The following WBP1L variants were observed in gnomAD, a reference collection of about 807,000 sequenced individuals.
The protein encoded by WBP1L is WW domain binding protein 1-like.
WBP1L carries 17 observed loss-of-function variants against 33.7 expected under a neutral mutation model. The observed-to-expected ratio is 0.50, with a 90% CI of 0.34 to 0.76. The LOEUF is 0.76. WBP1L is among the 30% of genes least tolerant of loss of function. WBP1L has a pLI of 0.01. For synonymous variants in WBP1L, 173 were observed against 190.8 expected (o/e 0.91, Z 0.77); for missense variants, 389 against 469.4 (o/e 0.83, Z 1.58).
At chr10:102,811,438 C>A (rs1843841673) in intron 3 of WBP1L, among the ~76,000 whole-genome samples, 1 of 152,212 alleles carries the variant, frequency 6.6e-6, no homozygotes, top group African/African-American at 2.4e-5. Flanking sequence ...GGAGGCCCAG[C>A]TGTGCCAGTT....
At chr10:102,772,534 T>C (rs1843202919) in intron 1 of WBP1L, among the ~76,000 whole-genome samples, 1 of 145,892 alleles carries the variant, frequency 6.9e-6, no homozygotes, top group Admixed American at 7.0e-5. Context: ...GTGCTGGGAT[T>C]ACAAGCATGA....
intron 1 of WBP1L, among the ~76,000 whole-genome samples, chr10:102,751,151 C>T (rs1436784261): frequency 1.3e-5 from 2 of 152,060 alleles, no homozygotes; most frequent in Non-Finnish European, 2.9e-5. Flanking sequence ...CAGGTATGCA[C>T]CACCATGCCT....
At chr10:102,786,054 G>C (rs1014665730) in intron 1 of WBP1L, among the ~76,000 whole-genome samples, 8 of 152,224 alleles carry the variant, frequency 5.3e-5, no homozygotes, top group African/African-American at 1.9e-4. Context: ...TGTTATTCAG[G>C]TTCCTAATAG....
At chr10:102,777,616 C>T (rs969075083) in intron 1 of WBP1L, among the ~76,000 whole-genome samples, 1 of 115,906 alleles carries the variant, frequency 8.6e-6, no homozygotes, top group Non-Finnish European at 1.6e-5. Flanking sequence ...GTTGCCCAGG[C>T]TGGAGTGTAG....
At chr10:102,802,853 TAAAGGAA>T (rs1235296907) in intron 2 of WBP1L, among the ~76,000 whole-genome samples, 2 of 152,306 alleles carry the variant, frequency 1.3e-5, no homozygotes, top group East Asian at 1.9e-4. Flanking sequence ...AAGGAAATTT[TAAAGGAA>T]ACCCTGCCCA....
At chr10:102,771,003 C>T (rs560738530) in intron 1 of WBP1L, among the ~76,000 whole-genome samples, 1 of 152,336 alleles carries the variant, frequency 6.6e-6, no homozygotes, top group Admixed American at 6.5e-5. Flanking sequence ...CCCCATTTGC[C>T]TCCATTTCTG....
At chr10:102,761,183 A>G (rs888444105) in intron 1 of WBP1L, among the ~76,000 whole-genome samples, 5 of 130,966 alleles carry the variant, frequency 3.8e-5, no homozygotes, top group Non-Finnish European at 7.8e-5. Flanking sequence ...TCTGCTGCCC[A>G]GGCTGGAGTG....
chr10:102,809,754 A>T, intron 2 of WBP1L, 139 bp from the exon 3 acceptor site: 1 of 910,258 alleles, frequency 1.1e-6, no homozygotes, highest in Non-Finnish European at 1.7e-6. Context: ...CATGGCTTCA[A>T]TGTAAATTAA....
chr10:102,797,973 A>G lies in WBP1L; in HGVS notation c.91-20A>G, dbSNP rs368238494. 6.2e-7 allele frequency: 1 copy of G among 1,604,628 alleles called. No homozygotes were observed. Among genetic ancestry groups the G allele is most frequent in the Non-Finnish European group, 8.5e-7 (1 of 1,172,536 alleles). On this transcript the variant is annotated intron_variant, in intron 1 of 3. Transcript: ENST00000448841. ...AAAAGCTGTCATTTAATATGCTAAC[A>G]TGCTTTTTTAATTTTTTAGGATAAG... is the stretch of plus-strand genomic sequence containing the variant.
chr10:102,808,542 G>A (rs562502390), intron 2 of WBP1L, among the ~76,000 whole-genome samples: 817 of 37,890 alleles, frequency 0.022, 1 homozygote, highest in African/African-American at 0.046. Flanking sequence ...AGGAAGAAGC[G>A]GCTGCTAATG....
At chr10:102,811,120 T>C (rs917967147) in intron 3 of WBP1L, among the ~76,000 whole-genome samples, 19 of 152,162 alleles carry the variant, frequency 1.2e-4, no homozygotes, top group Admixed American at 3.9e-4. Context: ...ATTGAAACAA[T>C]TGTGGGCCGG....
At chr10:102,804,062 C>G (rs1434276176) in intron 2 of WBP1L, 4 of 152,000 alleles carry the variant, frequency 2.6e-5, no homozygotes, top group Non-Finnish European at 5.9e-5. Flanking sequence ...AACTTTCTTC[C>G]TTGGTTTTGA....
At chr10:102,789,823 A>AC (rs1188984381) in intron 1 of WBP1L, among the ~76,000 whole-genome samples, 1 of 148,676 alleles carries the variant, frequency 6.7e-6, no homozygotes, top group Non-Finnish European at 1.5e-5. Flanking sequence ...GCTCACTGCA[A>AC]CCCCCGCCTC....
chr10:102,752,434 T>C (rs2134025792), intron 1 of WBP1L, among the ~76,000 whole-genome samples: 1 of 152,348 alleles, frequency 6.6e-6, no homozygotes, highest in Admixed American at 6.5e-5. Context: ...GGTTTGTTGA[T>C]GTATGTGGTC....
At chr10:102,807,896 A>G (rs1466314233) in intron 2 of WBP1L, among the ~76,000 whole-genome samples, 2 of 151,794 alleles carry the variant, frequency 1.3e-5, no homozygotes, top group African/African-American at 4.8e-5. Context: ...AAAATTAGTC[A>G]TAGATATTTT....
rs528001851 is a variant in WBP1L at position 102,753,129 on chromosome 10, G to T, written c.90+8986G>T. 3.3e-5 allele frequency among the ~76,000 whole-genome samples: 5 copies of T among 152,198 alleles called. No individual in the cohort carries two copies. In the East Asian group the frequency reaches 9.6e-4, roughly 29 times the overall value. On this transcript the variant is annotated intron_variant, in intron 1 of 3. Transcript: ENST00000448841. ...ACTACCCCATTCATGGACACCACTGGGGCCGCTGATCCCACTGTAACTGCA... is the reference window on the plus strand; with the variant it reads ...ACTACCCCATTCATGGACACCACTGTGGCCGCTGATCCCACTGTAACTGCA...
chr10:102,781,088 T>A (rs1201760506), intron 1 of WBP1L, among the ~76,000 whole-genome samples: 2 of 152,162 alleles, frequency 1.3e-5, no homozygotes, highest in East Asian at 3.8e-4. Flanking sequence ...AAGGGGCTGT[T>A]TGTATTTTTG....
chr10:102,799,248 C>T (rs1442201531), intron 2 of WBP1L, among the ~76,000 whole-genome samples: 1 of 152,096 alleles, frequency 6.6e-6, no homozygotes, highest in East Asian at 1.9e-4. Flanking sequence ...ATCACTTGAA[C>T]CCGGGAGGCG....
At chr10:102,800,906 G>A (rs1843646555) in intron 2 of WBP1L, among the ~76,000 whole-genome samples, 1 of 152,084 alleles carries the variant, frequency 6.6e-6, no homozygotes, top group Non-Finnish European at 1.5e-5. Context: ...AAATCCTTTG[G>A]CAGAGTTTTC....
Sources: allele counts gnomAD v4.1 joint callset (sites outside exome capture counted in the v4.1 genomes callset), GRCh38; gene constraint gnomAD v4.1.1; transcripts MANE v1.5; gene names NCBI Gene and HGNC (gene_info 2026-07-23, HGNC 2026-07-21).